The following CTPS1 variants were observed in gnomAD, a reference collection of about 807,000 sequenced individuals.
CTPS1 encodes CTP synthase 1.
A neutral mutation model predicts 80.5 loss-of-function variants in CTPS1; 25 were observed. That is an observed-to-expected ratio of 0.31 (90% CI 0.23 to 0.43). The LOEUF (loss-of-function observed/expected upper bound fraction) is 0.43. Ranked by LOEUF, CTPS1 falls within the 20% of genes least tolerant of loss-of-function variation. CTPS1 has a pLI of 1.00. For missense variants in CTPS1, 442 were observed against 725.7 expected, an observed-to-expected ratio of 0.61 and a Z score of 4.49; for synonymous variants, 267 against 252.5, an observed-to-expected ratio of 1.06 and a Z score of -0.54.
At chr1:40,999,256 A>G (rs142724034) in intron 9 of CTPS1, among the ~76,000 whole-genome samples, 1 of 152,118 alleles carries the variant, frequency 6.6e-6, no homozygotes, top group Non-Finnish European at 1.5e-5. Flanking sequence ...AACACTGTGG[A>G]TGGAAATTGT....
At chr1:41,000,904 A>T (rs1036986811) in intron 9 of CTPS1, 125 bp from the exon 10 acceptor site, 1 of 543,284 alleles carries the variant, frequency 1.8e-6, no homozygotes, top group Admixed American at 3.8e-5. Flanking sequence ...CAGTATTAAG[A>T]TGATCACTTT....
At chr1:40,981,700 C>T (rs1310924084) in intron 1 of CTPS1, among the ~76,000 whole-genome samples, 4 of 152,290 alleles carry the variant, frequency 2.6e-5, no homozygotes, top group South Asian at 2.1e-4. Flanking sequence ...CAGCGTTTCT[C>T]TGATTTATAT....
In CTPS1 at chr1:41,012,213, G is replaced by A. The variant is rs1167080046; in HGVS notation, c.*565G>A. The A allele has an allele frequency of 2.6e-5, 4 of 152,122 alleles. No homozygotes were observed. The highest frequency in any genetic ancestry group is 4.4e-5 in the Non-Finnish European group (3 of 68,022). 9.4% of individuals were successfully genotyped at this position (152,122 alleles called of 1,614,324 possible). On this transcript the variant is annotated 3_prime_UTR_variant, in exon 19 of 19. Transcript: ENST00000650070. Reference sequence around the variant, plus strand: ...CTCATTCAAAGGGACGGTCAGTTTGGTGTCAACATGAAACACCAAGATGTC... The same window carrying A: ...CTCATTCAAAGGGACGGTCAGTTTGATGTCAACATGAAACACCAAGATGTC...
At chr1:41,001,155 T>G in intron 10 of CTPS1, 38 bp downstream of exon 10, 1 of 1,487,328 alleles carries the variant, frequency 6.7e-7, no homozygotes, top group Non-Finnish European at 9.2e-7. Context: ...CCAGAGTTCT[T>G]TTGGTTTGTT....
Position 40,997,124 on chromosome 1 carries a change from T to C in CTPS1, c.873-270T>C, listed in dbSNP as rs558043774. The C allele has an allele frequency of 1.4e-5, 5 of 347,762 alleles. No individual in the cohort carries two copies. In the East Asian group the frequency reaches 2.8e-4, roughly 20 times the overall value. The allele number at this position is 347,762 out of a possible 1,614,324, so 21.5% of individuals were successfully genotyped here. A position where few individuals can be genotyped will look rare whatever the true frequency, so the allele number is the denominator to read the frequency against. ...CCCGTTATATTCTTCCCAGGTGTGTTTTTGTTGTTTTTTGTGGGGGTTTTT... is the reference window on the plus strand; with the variant it reads ...CCCGTTATATTCTTCCCAGGTGTGTCTTTGTTGTTTTTTGTGGGGGTTTTT... On this transcript the variant is annotated intron_variant, in intron 8 of 18. Coordinates refer to ENST00000650070, the MANE Select transcript of CTPS1 (RefSeq NM_001905.4).
intron 1 of CTPS1, chr1:40,982,123 A>G (rs770412382): frequency 1.4e-4 from 77 of 564,920 alleles, no homozygotes; most frequent in Non-Finnish European, 2.1e-4. Context: ...TGAGCCTGTC[A>G]CGGTCTCCTC....
At chr1:40,991,563 T>C (rs1170163656) in intron 6 of CTPS1, among the ~76,000 whole-genome samples, 1 of 152,214 alleles carries the variant, frequency 6.6e-6, no homozygotes, top group Non-Finnish European at 1.5e-5. Flanking sequence ...ACTGCCATTC[T>C]CTTATGTTTC....
At chr1:40,988,425 CAA>C in intron 4 of CTPS1, 167 bp from the exon 5 acceptor site, 2 of 594,572 alleles carry the variant, frequency 3.4e-6, no homozygotes, top group Non-Finnish European at 3.0e-6. Flanking sequence ...CCTTTTAGTA[CAA>C]AGAGTTGTCT....
In CTPS1 at chr1:40,984,906, G is replaced by C. The variant is rs777081020; in HGVS notation, c.252G>C (p.Lys84Asn). The C allele has an allele frequency of 6.2e-7, 1 of 1,606,180 alleles. No individual in the cohort carries two copies. Residue 84 changes from lysine to asparagine, a missense_variant, in exon 3 of 19, where the codon AAG becomes AAC. Around this residue, in one of 4 missense-constraint regions of CTPS1, gnomAD observed 69 missense variants for 102.1 expected, o/e 0.68. Coordinates refer to ENST00000650070, the MANE Select transcript of CTPS1 (RefSeq NM_001905.4). ...GGTTCCTTGACATCCGCCTCACCAAGGACAATAATCTGACCACTGGAAAGA... is the reference window on the plus strand; with the variant it reads ...GGTTCCTTGACATCCGCCTCACCAACGACAATAATCTGACCACTGGAAAGA... ...YERFLDIRLTKDNNLTTGKIY... is the reference protein window; with the variant it reads ...YERFLDIRLTNDNNLTTGKIY...
At chr1:41,001,471 AC>A in intron 10 of CTPS1, 2 of 267,720 alleles carry the variant, frequency 7.5e-6, no homozygotes, top group South Asian at 7.4e-5. Context: ...TTTCTGGTTC[AC>A]TAGAACAGTT....
chr1:40,980,514 G>T (rs1377092542), intron 1 of CTPS1: 1 of 152,284 alleles, frequency 6.6e-6, no homozygotes, highest in South Asian at 2.1e-4. Flanking sequence ...AATCCTCAGC[G>T]GCCCTGTGAC....
intron 7 of CTPS1, among the ~76,000 whole-genome samples, chr1:40,995,438 G>C (rs1310371460): frequency 6.7e-6 from 1 of 149,460 alleles, no homozygotes; most frequent in African/African-American, 2.5e-5. Context: ...CTGTCACCCA[G>C]ACTGGAGTGC....
chr1:40,986,192 A>G (rs560075666), intron 3 of CTPS1, among the ~76,000 whole-genome samples: 15 of 152,380 alleles, frequency 9.8e-5, no homozygotes, highest in Non-Finnish European at 2.1e-4. Flanking sequence ...AACCAAGTGG[A>G]GTGAGGACAG....
In CTPS1 at chr1:41,007,479, C is replaced by G. The variant is rs777839795; in HGVS notation, c.1327C>G (p.Gln443Glu). Reference protein sequence around the residue: ...VVDMPEHNPGQMGGTMRLGKR... With the variant: ...VVDMPEHNPGEMGGTMRLGKR... ...AGACATGCCAGAACACAACCCAGGGCAGATGGGCGGAACCATGAGGCTGGG... is the reference window on the plus strand; with the variant it reads ...AGACATGCCAGAACACAACCCAGGGGAGATGGGCGGAACCATGAGGCTGGG... The change falls in exon 14 of 19, where the codon CAG becomes GAG. Residue 443 changes from glutamine to glutamate, a missense_variant. This residue lies in a region of CTPS1 where 321 missense variants were observed against 467.2 expected (regional missense o/e 0.69). Transcript: ENST00000650070. This position sits in a 1 kb window ranked among gnomAD's most constrained non-coding sequence, Gnocchi z 4.4. 13 of 1,614,128 alleles carry G rather than the reference C, an allele frequency of 8.1e-6. No individual in the cohort carries two copies. The highest frequency in any genetic ancestry group is 1.1e-5 in the Non-Finnish European group (13 of 1,180,036).
chr1:40,983,071 G>A (rs927844175), intron 1 of CTPS1: 4 of 433,186 alleles, frequency 9.2e-6, no homozygotes, highest in Admixed American at 3.9e-5. Context: ...TTTTCTACAC[G>A]TATTTGACTA....
chr1:41,003,918 C>T (rs902634815), intron 12 of CTPS1: 1 of 152,312 alleles, frequency 6.6e-6, no homozygotes, highest in African/African-American at 2.4e-5. Context: ...GCCGGGACGT[C>T]AAGATGCTGT....
chr1:40,991,091 C>T, intron 5 of CTPS1, 74 bp from the exon 6 acceptor site: 1 of 1,071,238 alleles, frequency 9.3e-7, no homozygotes, highest in Non-Finnish European at 1.4e-6. Context: ...AAAAGAGGTT[C>T]AAGGAAAAGT....
intron 12 of CTPS1, among the ~76,000 whole-genome samples, 198 bp from the exon 13 acceptor site, chr1:41,005,853 A>G (rs188303963): frequency 6.6e-6 from 1 of 151,940 alleles, no homozygotes; most frequent in Non-Finnish European, 1.5e-5. Flanking sequence ...GCAGTGAGCT[A>G]TGATCGCACC....
chr1:40,985,758 G>A (rs534571640), intron 3 of CTPS1, among the ~76,000 whole-genome samples: 1 of 152,190 alleles, frequency 6.6e-6, no homozygotes, highest in Admixed American at 6.5e-5. Flanking sequence ...CAAGATTCTG[G>A]GCTAATTGGG....
Sources: gnomAD v4.1 joint callset for allele counts (sites outside exome capture counted in the v4.1 genomes callset) on GRCh38, gnomAD v4.1.1 for gene constraint, gnomAD v4.1.1 regional missense constraint, Gnocchi (gnomAD v3.1) non-coding constraint, MANE v1.5 for transcripts, NCBI Gene and HGNC (gene_info 2026-07-23, HGNC 2026-07-21) for gene names.